HOOK3: variants seen among roughly 807,000 people sequenced by gnomAD.
HOOK3 encodes hook microtubule tethering protein 3, also known as protein Hook homolog 3.
A neutral mutation model predicts 116.3 loss-of-function variants in HOOK3; 24 were observed. The observed-to-expected ratio is 0.21, with a 90% confidence interval of 0.15 to 0.29. The LOEUF (loss-of-function observed/expected upper bound fraction) is 0.29, where lower values mean the gene tolerates loss of function less well. Among genes scored for constraint, HOOK3 ranks in the 10% least tolerant of loss-of-function variants. The pLI, the probability that HOOK3 is intolerant of heterozygous loss-of-function variation, is 1.00. For missense variants in HOOK3, 632 were observed against 830.2 expected, an observed-to-expected ratio of 0.76 and a Z score of 2.93; for synonymous variants, 275 against 283.0, an observed-to-expected ratio of 0.97 and a Z score of 0.28.
chr8:42,949,914 TAA>T (rs780185216), intron 5 of HOOK3, among the ~76,000 whole-genome samples: 22 of 123,000 alleles, frequency 1.8e-4, no homozygotes, highest in Middle Eastern at 4.3e-3. Flanking sequence ...AGACTCTGTC[TAA>T]AAAAAAAAAA....
chr8:42,929,217 A>G (rs1383706399), intron 3 of HOOK3, among the ~76,000 whole-genome samples: 1 of 152,246 alleles, frequency 6.6e-6, no homozygotes, highest in Non-Finnish European at 1.5e-5. Context: ...TGCATTTTCC[A>G]TATCTGCAAA....
chr8:42,949,959 G>A (rs1586605954), intron 5 of HOOK3, among the ~76,000 whole-genome samples: 1 of 151,634 alleles, frequency 6.6e-6, no homozygotes, highest in African/African-American at 2.4e-5. Flanking sequence ...AATGCAGCAC[G>A]TTGATGTCAC....
chr8:42,917,242 A>G (rs1807549730), intron 2 of HOOK3, among the ~76,000 whole-genome samples: 1 of 152,204 alleles, frequency 6.6e-6, no homozygotes, highest in South Asian at 2.1e-4. Flanking sequence ...CTTTCTGGGC[A>G]TGCATCTCAC....
In HOOK3 at chr8:43,027,594, T is replaced by C. The variant is rs147723903; in HGVS notation, c.*9096T>C. ...GGACTGCTTTTTTTCTCTCCCAAAT[T>C]AGAAAATTAAAAGTGAAACATAACA... On this transcript the variant is annotated 3_prime_UTR_variant, in exon 22 of 22. Transcript: ENST00000307602. 75 of 232,882 alleles carry C rather than the reference T, an allele frequency of 3.2e-4. 1 individual carries two copies. The East Asian group carries it at 4.4e-3, about 14-fold the overall frequency. 14.4% of individuals were successfully genotyped at this position (232,882 alleles called of 1,614,324 possible). A position where few individuals can be genotyped will look rare whatever the true frequency, so the allele number is the denominator to read the frequency against.
chr8:42,931,890 G>T (rs1807882507), intron 4 of HOOK3, among the ~76,000 whole-genome samples: 1 of 152,066 alleles, frequency 6.6e-6, no homozygotes. Context: ...GAGAAGCTGG[G>T]ACTACAGGTG....
At chr8:42,926,550 T>G (rs1050674691) in intron 3 of HOOK3, among the ~76,000 whole-genome samples, 1 of 152,140 alleles carries the variant, frequency 6.6e-6, no homozygotes, top group Non-Finnish European at 1.5e-5. Flanking sequence ...CCTCTCAAAG[T>G]GCTGGAATTA....
chr8:43,007,454 T>C (rs140291440), intron 17 of HOOK3, among the ~76,000 whole-genome samples: 1 of 152,374 alleles, frequency 6.6e-6, no homozygotes, highest in Non-Finnish European at 1.5e-5. Context: ...GATCTATTCA[T>C]GTGGTTGAGT....
chr8:43,015,946 G>A (rs1379429289), intron 21 of HOOK3, among the ~76,000 whole-genome samples: 2 of 151,006 alleles, frequency 1.3e-5, no homozygotes, highest in East Asian at 3.9e-4. Context: ...TTGAATTCCT[G>A]ACCTCGTGAT....
intron 7 of HOOK3, 34 bp from the exon 8 acceptor site, chr8:42,959,197 A>T (rs1208878884): frequency 7.3e-7 from 1 of 1,364,702 alleles, no homozygotes; most frequent in Admixed American, 1.7e-5. Flanking sequence ...TTACCACTTC[A>T]TATTAAAATG....
chr8:42,951,978 A>C (rs1367162247), intron 6 of HOOK3, among the ~76,000 whole-genome samples: 2 of 152,176 alleles, frequency 1.3e-5, no homozygotes, highest in South Asian at 4.1e-4. Flanking sequence ...CATGAAAAAT[A>C]TTCAATTAAA....
chr8:42,957,332 T>G (rs947512985), intron 7 of HOOK3, among the ~76,000 whole-genome samples, 176 bp downstream of exon 7: 3 of 152,194 alleles, frequency 2.0e-5, no homozygotes, highest in Non-Finnish European at 4.4e-5. Context: ...CATTTATAAT[T>G]AAGTTTATAA....
intron 15 of HOOK3, among the ~76,000 whole-genome samples, chr8:42,990,401 C>T (rs1444063682): frequency 8.4e-6 from 1 of 119,712 alleles, no homozygotes; most frequent in African/African-American, 3.2e-5. Context: ...AATGCAGTGG[C>T]ACAATCACAG....
At chr8:42,961,605 G>A (rs1487920475) in intron 8 of HOOK3, among the ~76,000 whole-genome samples, 1 of 152,174 alleles carries the variant, frequency 6.6e-6, no homozygotes, top group East Asian at 1.9e-4. Flanking sequence ...ACTAGATAAT[G>A]TCTAAGGTTG....
At chr8:42,938,921 A>T (rs1419868113) in intron 4 of HOOK3, among the ~76,000 whole-genome samples, 1 of 152,034 alleles carries the variant, frequency 6.6e-6, no homozygotes, top group Non-Finnish European at 1.5e-5. Context: ...GATGACTCTT[A>T]ACGAGCATGC....
At chr8:42,944,287 A>T (rs1769815955) in intron 5 of HOOK3, among the ~76,000 whole-genome samples, 1 of 151,398 alleles carries the variant, frequency 6.6e-6, no homozygotes. Flanking sequence ...GTGGAGGCAC[A>T]CTCCTGTAAT....
At chr8:42,914,886 A>T (rs1807501279) in intron 2 of HOOK3, among the ~76,000 whole-genome samples, 1 of 152,096 alleles carries the variant, frequency 6.6e-6, no homozygotes, top group Non-Finnish European at 1.5e-5. Flanking sequence ...GGAGGTGGAG[A>T]TGGGCGGATC....
chr8:42,970,025 ATCT>A (rs1740596439), intron 11 of HOOK3, among the ~76,000 whole-genome samples: 2 of 152,072 alleles, frequency 1.3e-5, no homozygotes, highest in Admixed American at 6.6e-5. Flanking sequence ...TTATAGTCTA[ATCT>A]TCTCTATTTT....
At position 42,964,397 on chromosome 8, in the gene HOOK3, A is replaced by C. The variant is rs1808593460; in HGVS notation, c.702A>C (p.Glu234Asp). The part of the protein sequence containing the change: ...MERLNQSDSI[E>D]DPNSPAGRRH... The stretch of plus-strand genomic sequence containing the variant: ...GACTCAATCAATCTGATTCTATAGA[A>C]GACCCTAACAGTCCAGCAGGAAGAA... Residue 234 changes from glutamate (E) to aspartate (D), a missense_variant, in exon 9 of 22, where the codon GAA becomes GAC. By Grantham distance (45) the Glu-to-Asp change is conservative (BLOSUM62 2). Coordinates refer to ENST00000307602, the MANE Select transcript of HOOK3 (RefSeq NM_032410.4). 1 of 1,614,062 alleles carries C rather than the reference A, an allele frequency of 6.2e-7. No homozygotes were observed. Among genetic ancestry groups the C allele is most frequent in the Non-Finnish European group, 8.5e-7 (1 of 1,179,986 alleles).
In HOOK3 at chr8:43,023,205, C is replaced by CAAAAAAAAAAAAAAAAAAAAAAAAAA. The variant is rs766633886; in HGVS notation, c.*4730_*4731insAAAAAAAAAAAAAAAAAAAAAAAAAA. The stretch of plus-strand genomic sequence containing the variant: ...TGGGCCACAGAGTGAGACTCCATCT[C>CAAAAAAAAAAAAAAAAAAAAAAAAAA]AAAAAAAAAAAAAAAAAAAAAAAGA... On this transcript the variant is annotated 3_prime_UTR_variant, in exon 22 of 22. Transcript: ENST00000307602. 1.4e-5 allele frequency: 1 copy of CAAAAAAAAAAAAAAAAAAAAAAAAAA among 70,448 alleles called. No individual in the cohort carries two copies. The highest frequency in any genetic ancestry group is 2.7e-5 in the Non-Finnish European group (1 of 36,478). 4.4% of individuals were successfully genotyped at this position (70,448 alleles called of 1,614,324 possible). A position where few individuals can be genotyped will look rare whatever the true frequency, so the allele number is the denominator to read the frequency against.
Sources: gnomAD v4.1 joint callset for allele counts (sites outside exome capture counted in the v4.1 genomes callset) on GRCh38, gnomAD v4.1.1 for gene constraint, MANE v1.5 for transcripts, NCBI Gene and HGNC (gene_info 2026-07-23, HGNC 2026-07-21) for gene names.